The following MPND variants were observed in gnomAD, a reference collection of about 807,000 sequenced individuals.
MPND encodes the protein MPN domain-containing protein.
MPND carries 56 observed loss-of-function variants against 59.2 expected under a neutral mutation model. The observed-to-expected ratio is 0.95, with a 90% CI of 0.76 to 1.18. The LOEUF (loss-of-function observed/expected upper bound fraction) is 1.18, where lower values mean the gene tolerates loss of function less well. Among genes scored for constraint, MPND ranks in the 50% most tolerant of loss-of-function variants. MPND has a pLI of 0.00. For missense variants in MPND, 671 were observed against 676.0 expected (o/e 0.99, Z 0.08); for synonymous variants, 323 against 291.9 (o/e 1.11, Z -1.09).
Position 4,357,558 on chromosome 19 carries a change from A to G in MPND, c.1209A>G (p.Ser403=), listed in dbSNP as rs4807583. ...SGNPGPESKI[S]PFWVMPPPEQ... is the part of the protein sequence containing the mutation. ...ACCCAGGCCCCGAGTCCAAGATCTC[A>G]CCTTTCTGGGTGATGCCTCCTCCCG... is the stretch of plus-strand genomic sequence containing the variant. Residue 403 remains serine, a synonymous_variant, in exon 10 of 13, where the codon TCA becomes TCG. Coordinates refer to ENST00000599840, the MANE Select transcript of MPND (RefSeq NM_001300862.2). 0.98 allele frequency: 1,582,670 copies of G among 1,613,356 alleles called. 776,325 individuals carry two copies. Among genetic ancestry groups the G allele is most frequent in the East Asian group, 1 (44,866 of 44,870 alleles).
chr19:4,346,675 C>T (rs1190821704), intron 3 of MPND, among the ~76,000 whole-genome samples: 1 of 152,086 alleles, frequency 6.6e-6, no homozygotes, highest in African/African-American at 2.4e-5. Flanking sequence ...CCTGGACTTC[C>T]CAAAGTGTTG....
At chr19:4,356,248 G>A (rs945406272) in intron 8 of MPND, among the ~76,000 whole-genome samples, 7 of 151,974 alleles carry the variant, frequency 4.6e-5, no homozygotes, top group Non-Finnish European at 7.4e-5. Flanking sequence ...TAAAATGAGC[G>A]GCTTCAATGA....
intron 3 of MPND, among the ~76,000 whole-genome samples, chr19:4,352,396 C>G (rs1291924779): frequency 6.6e-6 from 1 of 151,982 alleles, no homozygotes; most frequent in Non-Finnish European, 1.5e-5. Context: ...TTATAAAATG[C>G]GAGGTGAGCC....
chr19:4,350,231 C>T (rs1192734171), intron 3 of MPND, among the ~76,000 whole-genome samples: 1 of 151,948 alleles, frequency 6.6e-6, no homozygotes, highest in South Asian at 2.1e-4. Context: ...CAGCGAGGAG[C>T]CTGTGTGGCT....
At chr19:4,359,768 A>C in intron 12 of MPND, 148 bp from the exon 13 acceptor site, 1 of 610,180 alleles carries the variant, frequency 1.6e-6, no homozygotes, top group South Asian at 2.0e-5. Context: ...CCCACTGGGT[A>C]AGCAGCAGGC....
Position 4,358,109 on chromosome 19 carries a change from C to A in MPND, c.1263C>A (p.Pro421=). 1.3e-6 allele frequency: 2 copies of A among 1,551,520 alleles called. No homozygotes were observed. Among genetic ancestry groups the A allele is most frequent in the Non-Finnish European group, 1.7e-6 (2 of 1,146,982 alleles). The change falls in exon 11 of 13, where the codon CCC becomes CCA. Residue 421 remains proline (P), a synonymous_variant. Coordinates refer to ENST00000599840, the MANE Select transcript of MPND (RefSeq NM_001300862.2). ...AAAGGCCCAGTGACTATGGCATCCC[C>A]ATGGATGTGGAGATGGCCTACGTCC... is the stretch of plus-strand genomic sequence containing the variant. The part of the protein sequence containing the change: ...PEQRPSDYGI[P]MDVEMAYVQD...
chr19:4,359,078 TG>T, intron 11 of MPND, 84 bp from the exon 12 acceptor site: 1 of 865,772 alleles, frequency 1.2e-6, no homozygotes, highest in Non-Finnish European at 1.9e-6. Context: ...GTCTCAGGGC[TG>T]CCTGAGACTG....
At chr19:4,344,033 C>T (rs2144810557) in intron 2 of MPND, 39 bp downstream of exon 2, 1 of 1,263,854 alleles carries the variant, frequency 7.9e-7, no homozygotes. Context: ...GCGGCTCGGG[C>T]AGGAAGGGGA....
chr19:4,347,703 A>C, intron 3 of MPND: 1 of 665,676 alleles, frequency 1.5e-6, no homozygotes. Flanking sequence ...TACTCATTGC[A>C]AGGAAATCCT....
intron 6 of MPND, 50 bp from the exon 7 acceptor site, chr19:4,354,899 G>C (rs780971294): frequency 1.2e-4 from 180 of 1,523,010 alleles, no homozygotes; most frequent in Non-Finnish European, 1.6e-4. Flanking sequence ...TCCAGTGTTG[G>C]GGCAGGGCCA....
intron 3 of MPND, chr19:4,348,123 A>G (rs1193506988): frequency 6.7e-6 from 1 of 149,798 alleles, no homozygotes; most frequent in Non-Finnish European, 1.5e-5. Flanking sequence ...AACTCCTGAC[A>G]TCAGGTGATC....
At chr19:4,359,368 A>G (rs1972525773) in intron 12 of MPND, 113 bp downstream of exon 12, 1 of 738,570 alleles carries the variant, frequency 1.4e-6, no homozygotes, top group Non-Finnish European at 2.3e-6. Flanking sequence ...GAGACAGCCC[A>G]GCTGGCAGAC....
At chr19:4,356,196 C>T (rs1445440768) in intron 8 of MPND, among the ~76,000 whole-genome samples, 7 of 152,044 alleles carry the variant, frequency 4.6e-5, no homozygotes, top group Admixed American at 1.3e-4. Flanking sequence ...GCTGAAACCT[C>T]GCCAGCCCCC....
In MPND at chr19:4,357,589, G is replaced by T; in HGVS notation, c.1236+4G>T. The T allele has an allele frequency of 1.2e-6, 2 of 1,608,724 alleles. No individual in the cohort carries two copies. The highest frequency in any genetic ancestry group is 1.3e-5 in the African/African-American group (1 of 75,022). On this transcript the variant is annotated splice_donor_region_variant and intron_variant, in intron 10 of 12. Transcript: ENST00000599840. Reference sequence around the variant, plus strand: ...CTGGGTGATGCCTCCTCCCGAGGTAGGTGGGGCTGTTGGGAGAGCCTGGGG... The same window carrying T: ...CTGGGTGATGCCTCCTCCCGAGGTATGTGGGGCTGTTGGGAGAGCCTGGGG...
chr19:4,344,003 C>A lies in MPND; in HGVS notation c.294+9C>A. ...TGTCCATCTACTACCTGGTGAGCAC[C>A]CCGCCTCCCTCGTCCCATCGCGGCT... On this transcript the variant is annotated intron_variant, in intron 2 of 12. Coordinates refer to ENST00000599840, the MANE Select transcript of MPND (RefSeq NM_001300862.2). 1 of 1,317,466 alleles carries A rather than the reference C, an allele frequency of 7.6e-7. No homozygotes were observed. Among genetic ancestry groups the A allele is most frequent in the Non-Finnish European group, 9.7e-7 (1 of 1,036,244 alleles). 81.6% of individuals were successfully genotyped at this position (1,317,466 alleles called of 1,614,324 possible).
chr19:4,357,345 C>T lies in MPND; in HGVS notation c.1089C>T (p.Ile363=), dbSNP rs749001795. The T allele has an allele frequency of 5.6e-6, 9 of 1,613,238 alleles. No individual in the cohort carries two copies. Among genetic ancestry groups the T allele is most frequent in the African/African-American group, 1.3e-5 (1 of 75,072 alleles). ...CGGCGCTGCCATCTCTGCAGGACAT[C>T]GACGCACAGATGGACTACCAGCTGC... The part of the protein sequence containing the change: ...HSPALPSLQD[I]DAQMDYQLRL... Residue 363 remains isoleucine (I), a synonymous_variant, in exon 9 of 13, where the codon ATC becomes ATT. Coordinates refer to ENST00000599840, the MANE Select transcript of MPND (RefSeq NM_001300862.2).
intron 10 of MPND, 68 bp from the exon 11 acceptor site, chr19:4,358,015 C>A: frequency 7.4e-7 from 1 of 1,352,714 alleles, no homozygotes; most frequent in South Asian, 1.3e-5. Flanking sequence ...CGGGCACTGC[C>A]AATTGTCCCC....
At chr19:4,358,005 C>A in intron 10 of MPND, 78 bp from the exon 11 acceptor site, 2 of 1,230,818 alleles carry the variant, frequency 1.6e-6, no homozygotes, top group African/African-American at 3.0e-5. Flanking sequence ...GTTCCCAGCC[C>A]GGGCACTGCC....
At chr19:4,359,314 G>A (rs2074243038) in intron 12 of MPND, 59 bp downstream of exon 12, 1 of 1,316,330 alleles carries the variant, frequency 7.6e-7, no homozygotes, top group Non-Finnish European at 1.1e-6. Flanking sequence ...CCCCTGGGCA[G>A]CCTAAAAGGT....
Sources: allele counts gnomAD v4.1 joint callset (sites outside exome capture counted in the v4.1 genomes callset), GRCh38; gene constraint gnomAD v4.1.1; transcripts MANE v1.5; gene names NCBI Gene and HGNC (gene_info 2026-07-23, HGNC 2026-07-21).